Variants in DIS3L2 observed in about 807,000 individuals in gnomAD.
The protein encoded by DIS3L2 is DIS3-like exonuclease 2.
Under a neutral mutation model 97.5 loss-of-function variants are expected in DIS3L2, and 34 were observed. The observed-to-expected ratio is 0.35, with a 90% CI of 0.27 to 0.46. The LOEUF is 0.46. DIS3L2 is among the 20% of genes least tolerant of loss of function. The pLI, the probability that DIS3L2 is intolerant of heterozygous loss-of-function variation, is 1.00. For synonymous variants in DIS3L2, 435 were observed against 445.2 expected (o/e 0.98, Z 0.29); for missense variants, 1,038 against 1,146.0 (o/e 0.91, Z 1.36).
rs986550019 is a variant in DIS3L2 at position 232,172,860 on chromosome 2, G to C, written c.1124+9228G>C. The C allele has an allele frequency of 5.3e-5, 26 of 487,590 alleles. No individual in the cohort carries two copies. In the Admixed American group the frequency reaches 6.0e-4, roughly 11 times the overall value. 30.2% of individuals were successfully genotyped at this position (487,590 alleles called of 1,614,324 possible). A position where few individuals can be genotyped will look rare whatever the true frequency, so the allele number is the denominator to read the frequency against. On this transcript the variant is annotated intron_variant, in intron 9 of 20. Transcript: ENST00000325385. The stretch of plus-strand genomic sequence containing the variant: ...CATTGTGGTTTTGATTTGCATTTCT[G>C]TCATGACTAATGAGACTGAATGTAT...
At chr2:232,332,502 C>T (rs1487740784) in intron 16 of DIS3L2, among the ~76,000 whole-genome samples, 3 of 151,414 alleles carry the variant, frequency 2.0e-5, no homozygotes, top group Non-Finnish European at 2.9e-5. Flanking sequence ...CCCGTTCACT[C>T]GCTCCCAGGC....
intron 20 of DIS3L2, chr2:232,336,216 T>C (rs1237543498): frequency 6.5e-7 from 1 of 1,537,506 alleles, no homozygotes; most frequent in East Asian, 2.5e-5. Flanking sequence ...ACCAACAGTG[T>C]GCCCTGAACG....
chr2:232,166,582 A>G (rs7603602), intron 9 of DIS3L2, among the ~76,000 whole-genome samples: 121,726 of 151,960 alleles, frequency 0.8, 49,299 homozygotes, highest in African/African-American at 0.9. Context: ...TGGGCATAGT[A>G]GTACGCGCCT....
intron 13 of DIS3L2, among the ~76,000 whole-genome samples, chr2:232,342,469 CTGTT>C (rs1332298470): frequency 5.9e-5 from 9 of 152,124 alleles, no homozygotes; most frequent in Non-Finnish European, 1.0e-4. Flanking sequence ...CCTTGTAGAT[CTGTT>C]TGATACTTTA....
At chr2:232,203,882 C>A (rs1285675021) in intron 9 of DIS3L2, among the ~76,000 whole-genome samples, 4 of 152,052 alleles carry the variant, frequency 2.6e-5, no homozygotes, top group African/African-American at 9.7e-5. Context: ...GTTAAGTAGC[C>A]CACTATAGGA....
In DIS3L2 at chr2:231,981,636, A is replaced by G. The variant is rs999781474; in HGVS notation, c.-94+19871A>G. On this transcript the variant is annotated intron_variant, in intron 1 of 20. Transcript: ENST00000325385. ...TATATATATATATATATATATATAT[A>G]TGAGACATATTTACATATTATATAT... Among the ~76,000 whole-genome samples, 10 of 135,242 alleles carry G rather than the reference A, an allele frequency of 7.4e-5. No homozygotes were observed. The South Asian group carries it at 1.4e-3, about 19-fold the overall frequency. The allele number at this position is 135,242 out of a possible 152,430, so 88.7% of individuals were successfully genotyped here. A position where few individuals can be genotyped will look rare whatever the true frequency, so the allele number is the denominator to read the frequency against.
chr2:232,025,176 C>T (rs1694623805), intron 4 of DIS3L2, among the ~76,000 whole-genome samples: 1 of 152,068 alleles, frequency 6.6e-6, no homozygotes, highest in Non-Finnish European at 1.5e-5. Context: ...GTCATTATTA[C>T]AGATTGAGCA....
chr2:232,097,914 T>C (rs1202687059), intron 6 of DIS3L2, among the ~76,000 whole-genome samples: 2 of 152,232 alleles, frequency 1.3e-5, no homozygotes, highest in Non-Finnish European at 2.9e-5. Context: ...GGCATGCTAC[T>C]TGAGTATCAC....
intron 12 of DIS3L2, among the ~76,000 whole-genome samples, chr2:232,250,270 T>C (rs1693381878): frequency 1.3e-5 from 2 of 152,026 alleles, no homozygotes; most frequent in African/African-American, 4.8e-5. Context: ...CAAATAAAGA[T>C]AGAGGATCAA....
At chr2:232,242,409 CCCTGCAA>C in intron 11 of DIS3L2, among the ~76,000 whole-genome samples, 1 of 152,294 alleles carries the variant, frequency 6.6e-6, no homozygotes. Flanking sequence ...GCAGAAGAGG[CCCTGCAA>C]CCTCTCCAGG....
chr2:232,186,435 T>C (rs1227580821), intron 9 of DIS3L2, among the ~76,000 whole-genome samples: 1 of 152,184 alleles, frequency 6.6e-6, no homozygotes, highest in African/African-American at 2.4e-5. Context: ...AAAGGAAATC[T>C]TCAAGCCCAG....
chr2:232,090,086 A>C (rs1027249851), intron 6 of DIS3L2, among the ~76,000 whole-genome samples: 2 of 151,846 alleles, frequency 1.3e-5, no homozygotes, highest in Non-Finnish European at 1.5e-5. Flanking sequence ...GCACCACCAC[A>C]CCCAGATAAT....
At chr2:232,080,625 G>T (rs1696359022) in intron 5 of DIS3L2, among the ~76,000 whole-genome samples, 1 of 151,878 alleles carries the variant, frequency 6.6e-6, no homozygotes, top group Admixed American at 6.6e-5. Flanking sequence ...ACAGGGCTGG[G>T]CATGGTGGCT....
chr2:231,970,040 G>A (rs965366800), intron 1 of DIS3L2, among the ~76,000 whole-genome samples: 8 of 151,868 alleles, frequency 5.3e-5, no homozygotes, highest in Non-Finnish European at 1.2e-4. Context: ...TGACCTCTGG[G>A]GCTCAAGCAG....
chr2:232,216,150 C>T (rs1020067331), intron 10 of DIS3L2, among the ~76,000 whole-genome samples: 14 of 151,346 alleles, frequency 9.3e-5, no homozygotes, highest in Non-Finnish European at 1.9e-4. Context: ...TCTCACTTCC[C>T]GTTGCTTTCT....
At chr2:232,342,242 CATATATACACATACACACAT>C (rs1210043763) in intron 13 of DIS3L2, among the ~76,000 whole-genome samples, 36 of 144,016 alleles carry the variant, frequency 2.5e-4, no homozygotes, top group African/African-American at 1.0e-3. Flanking sequence ...TACACATACA[CATATATACACATACACACAT>C]ACACATATAC....
chr2:232,335,747 C>A (rs1695922429), intron 19 of DIS3L2, 26 bp from the exon 20 acceptor site: 3 of 1,548,676 alleles, frequency 1.9e-6, no homozygotes, highest in Non-Finnish European at 1.7e-6. Context: ...AGAGCTGAGG[C>A]CTGAGGCTTG....
At chr2:231,962,096 C>G (rs1461035843) in intron 1 of DIS3L2, among the ~76,000 whole-genome samples, 1 of 152,214 alleles carries the variant, frequency 6.6e-6, no homozygotes, top group African/African-American at 2.4e-5. Context: ...AGAGAGGACG[C>G]CTCCCGAGGC....
chr2:232,233,326 C>A (rs973883998), intron 10 of DIS3L2, among the ~76,000 whole-genome samples: 1 of 152,186 alleles, frequency 6.6e-6, no homozygotes. Flanking sequence ...GTTCATGGAA[C>A]AGCACCTTCT....
Sources: gnomAD v4.1 joint callset for allele counts (sites outside exome capture counted in the v4.1 genomes callset) on GRCh38, gnomAD v4.1.1 for gene constraint, MANE v1.5 for transcripts, NCBI Gene and HGNC (gene_info 2026-07-23, HGNC 2026-07-21) for gene names.